Variants in RBFOX1 observed in about 807,000 individuals in gnomAD.
The protein encoded by RBFOX1 is RNA binding protein fox-1 homolog 1.
RBFOX1 carries 8 observed loss-of-function variants against 57.7 expected under a neutral mutation model. The ratio of observed to expected loss-of-function variants is 0.14; its 90% CI spans 0.08 to 0.25. The LOEUF is 0.25. RBFOX1 is among the 10% of genes least tolerant of loss of function. RBFOX1 has a pLI of 1.00. For missense variants in RBFOX1, 611 were observed against 548.5 expected (o/e 1.11, Z -1.14); for synonymous variants, 326 against 222.4 (o/e 1.47, Z -4.15).
chr16:6,064,400 C>T (rs1311407995), intron 1 of RBFOX1, among the ~76,000 whole-genome samples: 4 of 152,160 alleles, frequency 2.6e-5, no homozygotes, highest in East Asian at 1.9e-4. Context: ...CACAAAATTA[C>T]TTAGAATTTG....
At chr16:5,754,519 C>A (rs1448818173) in intron 3 of RBFOX1, among the ~76,000 whole-genome samples, 1 of 138,140 alleles carries the variant, frequency 7.2e-6, no homozygotes, top group Non-Finnish European at 1.5e-5. Context: ...CAGCGTTCAG[C>A]ATATGGAGGA....
chr16:5,987,894 A>C (rs1259754713), intron 4 of RBFOX1, among the ~76,000 whole-genome samples: 1 of 152,188 alleles, frequency 6.6e-6, no homozygotes, highest in African/African-American at 2.4e-5. Flanking sequence ...CCCTGAAGTT[A>C]CACTGTGACA....
chr16:7,442,253 C>T (rs2098773780), intron 4 of RBFOX1, among the ~76,000 whole-genome samples: 1 of 152,136 alleles, frequency 6.6e-6, no homozygotes, highest in African/African-American at 2.4e-5. Context: ...TCTCCCCAGC[C>T]ATCCCCAAGC....
In RBFOX1 at chr16:7,108,418, A is replaced by T. The variant is rs566474525; in HGVS notation, c.27+56320A>T. On this transcript the variant is annotated intron_variant, in intron 4 of 15. Transcript: ENST00000550418. ...GTGTAATGCAATATAAGACTTTCAG[A>T]TATTAAACATTACATAGTTTAGGTA... Among the ~76,000 whole-genome samples, 3 of 152,312 alleles carry T rather than the reference A, an allele frequency of 2.0e-5. No individual in the cohort carries two copies. The South Asian group carries it at 6.2e-4, about 32-fold the overall frequency.
At chr16:6,823,625 C>A (rs957467140) in intron 3 of RBFOX1, among the ~76,000 whole-genome samples, 1 of 152,102 alleles carries the variant, frequency 6.6e-6, no homozygotes, top group Non-Finnish European at 1.5e-5. Context: ...CAGTTTTCCT[C>A]CCTTGATTTT....
chr16:7,527,377 C>T (rs1408887467), intron 5 of RBFOX1, among the ~76,000 whole-genome samples: 1 of 152,022 alleles, frequency 6.6e-6, no homozygotes, highest in African/African-American at 2.4e-5. Context: ...TCCTGGAGAG[C>T]CAAAATGAAT....
chr16:7,457,175 C>A (rs2058697591), intron 4 of RBFOX1, among the ~76,000 whole-genome samples: 1 of 152,096 alleles, frequency 6.6e-6, no homozygotes. Context: ...GTGTGAGCCA[C>A]CGCGCCTGGC....
chr16:6,446,766 G>A (rs1254616752), intron 2 of RBFOX1, among the ~76,000 whole-genome samples: 1 of 152,072 alleles, frequency 6.6e-6, no homozygotes. Context: ...TTTATTTAGT[G>A]TCTGCATTAT....
At chr16:7,536,813 T>C (rs2081585401) in intron 5 of RBFOX1, among the ~76,000 whole-genome samples, 1 of 152,196 alleles carries the variant, frequency 6.6e-6, no homozygotes, top group Admixed American at 6.5e-5. Flanking sequence ...ATTTACACTA[T>C]GGGCATTGGC....
chr16:6,816,856 C>G (rs907604826), intron 3 of RBFOX1, among the ~76,000 whole-genome samples: 1 of 152,082 alleles, frequency 6.6e-6, no homozygotes, highest in Admixed American at 6.5e-5. Context: ...ACAGTCCTCC[C>G]ACTTCACCCT....
intron 3 of RBFOX1, among the ~76,000 whole-genome samples, chr16:6,707,478 G>GTCT (rs2062952898): frequency 7.8e-6 from 1 of 128,310 alleles, no homozygotes; most frequent in Admixed American, 7.9e-5. Context: ...TCCCATTTTT[G>GTCT]TTTTTTTTTT....
At chr16:7,293,920 G>A (rs986140139) in intron 4 of RBFOX1, among the ~76,000 whole-genome samples, 1 of 152,108 alleles carries the variant, frequency 6.6e-6, no homozygotes, top group Middle Eastern at 3.2e-3. Context: ...AGGTCAAGGT[G>A]GATTAATTCA....
At chr16:5,470,781 C>A (rs1349035243) in intron 2 of RBFOX1, among the ~76,000 whole-genome samples, 1 of 152,154 alleles carries the variant, frequency 6.6e-6, no homozygotes, top group East Asian at 1.9e-4. Flanking sequence ...GGAACCCTCC[C>A]ATTGCATCTA....
intron 3 of RBFOX1, among the ~76,000 whole-genome samples, chr16:6,747,561 C>G (rs1488007631): frequency 2.6e-5 from 4 of 152,052 alleles, no homozygotes; most frequent in Admixed American, 2.0e-4. Context: ...TTCACATAAT[C>G]TCTGTTAAAA....
intron 3 of RBFOX1, among the ~76,000 whole-genome samples, chr16:7,026,032 A>G (rs570281219): frequency 6.6e-6 from 1 of 152,310 alleles, no homozygotes; most frequent in Non-Finnish European, 1.5e-5. Context: ...CCAAGAAGGA[A>G]CAAAGGGAAA....
intron 11 of RBFOX1, among the ~76,000 whole-genome samples, chr16:7,636,756 G>A (rs1052764215): frequency 1.3e-5 from 2 of 152,156 alleles, no homozygotes; most frequent in African/African-American, 4.8e-5. Context: ...TGCCAAGAAA[G>A]TTAGGTTCCG....
intron 4 of RBFOX1, among the ~76,000 whole-genome samples, chr16:7,360,266 G>C (rs2097296557): frequency 6.6e-6 from 1 of 152,066 alleles, no homozygotes; most frequent in Non-Finnish European, 1.5e-5. Context: ...CAATAGCCTA[G>C]AATTCTTAGA....
chr16:7,564,065 T>TC (rs774785182), intron 5 of RBFOX1, among the ~76,000 whole-genome samples: 1 of 152,088 alleles, frequency 6.6e-6, no homozygotes, highest in East Asian at 1.9e-4. Context: ...CTGAATTGTG[T>TC]CCCCTACTCC....
chr16:7,387,211 C>G (rs2097899159), intron 4 of RBFOX1, among the ~76,000 whole-genome samples: 1 of 152,140 alleles, frequency 6.6e-6, no homozygotes, highest in African/African-American at 2.4e-5. Flanking sequence ...TTGCCACACA[C>G]CAACCATTGT....
Sources: allele counts gnomAD v4.1 joint callset (sites outside exome capture counted in the v4.1 genomes callset), GRCh38; gene constraint gnomAD v4.1.1; transcripts MANE v1.5; gene names NCBI Gene and HGNC (gene_info 2026-07-23, HGNC 2026-07-21).